RGS7BP: variants seen among roughly 807,000 people sequenced by gnomAD.
RGS7BP encodes regulator of G protein signaling 7 binding protein, also known as regulator of G protein signaling 7-binding protein.
A neutral mutation model predicts 31.3 loss-of-function variants in RGS7BP; 9 were observed. The ratio of observed to expected loss-of-function variants is 0.29; its 90% CI spans 0.17 to 0.50. RGS7BP has a LOEUF of 0.50. RGS7BP is among the 20% of genes least tolerant of loss of function. RGS7BP has a pLI of 0.98. For missense variants in RGS7BP, 274 were observed against 322.0 expected, an observed-to-expected ratio of 0.85 and a Z score of 1.14; for synonymous variants, 115 against 120.1, an observed-to-expected ratio of 0.96 and a Z score of 0.28.
At chr5:64,548,845 C>A (rs1210188327) in intron 2 of RGS7BP, among the ~76,000 whole-genome samples, 2 of 148,400 alleles carry the variant, frequency 1.3e-5, no homozygotes, top group African/African-American at 5.2e-5. Context: ...AGTCGAAAGC[C>A]CTTTCCTTTT....
chr5:64,507,898 T>C, intron 2 of RGS7BP, 21 bp downstream of exon 2: 1 of 1,604,220 alleles, frequency 6.2e-7, no homozygotes, highest in South Asian at 1.1e-5. Flanking sequence ...CGGCATTATT[T>C]GGTAATCCAT....
chr5:64,609,405 G>C lies in RGS7BP; in HGVS notation c.*153G>C. 1 of 570,452 alleles carries C rather than the reference G, an allele frequency of 1.8e-6. No homozygotes were observed. The highest frequency in any genetic ancestry group is 3.2e-6 in the Non-Finnish European group (1 of 316,546). The allele number at this position is 570,452 out of a possible 1,614,324, so 35.3% of individuals were successfully genotyped here. On this transcript the variant is annotated 3_prime_UTR_variant, in exon 6 of 6. Transcript: ENST00000334025. ...TCTGCCTCCCCCTGCCCTTTTAAAT[G>C]ATTTTACACTTGAAAGCAGCTGCCG...
intron 3 of RGS7BP, among the ~76,000 whole-genome samples, chr5:64,593,463 G>A (rs1742974005): frequency 6.6e-6 from 1 of 152,162 alleles, no homozygotes; most frequent in African/African-American, 2.4e-5. Flanking sequence ...AAAAGGTTAG[G>A]TGATATAGCC....
chr5:64,597,817 C>T (rs1402015005), intron 4 of RGS7BP, among the ~76,000 whole-genome samples: 1 of 151,856 alleles, frequency 6.6e-6, no homozygotes, highest in Non-Finnish European at 1.5e-5. Context: ...GTGATGGATG[C>T]CCTAAAAGCA....
chr5:64,551,316 G>T (rs1396240505), intron 2 of RGS7BP, among the ~76,000 whole-genome samples: 1 of 148,048 alleles, frequency 6.8e-6, no homozygotes, highest in Non-Finnish European at 1.5e-5. Context: ...AGCCTGGAGT[G>T]CAGTGGCGCA....
chr5:64,594,716 A>C lies in RGS7BP; in HGVS notation c.470A>C (p.Glu157Ala). Reference protein sequence around the residue: ...GSLQFHRKGKEPGGGTKSLDC... With the variant: ...GSLQFHRKGKAPGGGTKSLDC... ...AACACCCTCCCTCCCTTAGGAAAGG[A>C]ACCTGGCGGGGGAACCAAGAGTTTG... Residue 157 changes from glutamate (E) to alanine (A), a missense_variant, in exon 4 of 6, where the codon GAA (glutamate) becomes GCA (alanine). Transcript: ENST00000334025. The C allele has an allele frequency of 1.2e-6, 2 of 1,613,670 alleles. No individual in the cohort carries two copies. Among genetic ancestry groups the C allele is most frequent in the Non-Finnish European group, 1.7e-6 (2 of 1,179,736 alleles).
intron 2 of RGS7BP, 66 bp from the exon 3 acceptor site, chr5:64,575,708 G>A: frequency 6.5e-7 from 1 of 1,537,342 alleles, no homozygotes; most frequent in Non-Finnish European, 8.7e-7. Context: ...TCTCGGAGCT[G>A]AGACAAATGG....
intron 3 of RGS7BP, among the ~76,000 whole-genome samples, chr5:64,583,113 C>A (rs188299536): frequency 6.0e-4 from 91 of 152,226 alleles, no homozygotes; most frequent in African/African-American, 2.2e-3. Context: ...GTAGGCCAGG[C>A]GCAGTGGCTC....
At chr5:64,551,698 C>T (rs57507097) in intron 2 of RGS7BP, among the ~76,000 whole-genome samples, 3,366 of 152,162 alleles carry the variant, frequency 0.022, 136 homozygotes, top group African/African-American at 0.074. Context: ...GTCTGGAAAA[C>T]ACAGCATGTT....
intron 2 of RGS7BP, among the ~76,000 whole-genome samples, chr5:64,517,205 GAAGGTC>G (rs1489580617): frequency 1.3e-5 from 2 of 152,018 alleles, no homozygotes; most frequent in Non-Finnish European, 2.9e-5. Context: ...AAGAAAAGAG[GAAGGTC>G]AAAAGGCCAC....
At chr5:64,552,354 C>T (rs1344903361) in intron 2 of RGS7BP, among the ~76,000 whole-genome samples, 1 of 152,148 alleles carries the variant, frequency 6.6e-6, no homozygotes, top group East Asian at 1.9e-4. Flanking sequence ...TTCTAAATAG[C>T]TTTCCAAAAC....
intron 5 of RGS7BP, among the ~76,000 whole-genome samples, chr5:64,603,894 G>A (rs1561351728): frequency 6.6e-6 from 1 of 152,086 alleles, no homozygotes; most frequent in Non-Finnish European, 1.5e-5. Flanking sequence ...CAATGGGAAC[G>A]TGAAGGAATG....
chr5:64,550,434 A>G (rs1580421607), intron 2 of RGS7BP, among the ~76,000 whole-genome samples: 2 of 152,196 alleles, frequency 1.3e-5, no homozygotes, highest in Admixed American at 1.3e-4. Context: ...CCCCACCCTT[A>G]TGACCTCATC....
At chr5:64,540,108 A>G (rs565108465) in intron 2 of RGS7BP, among the ~76,000 whole-genome samples, 56 of 152,288 alleles carry the variant, frequency 3.7e-4, no homozygotes, top group African/African-American at 1.3e-3. Context: ...ATCATTGATT[A>G]TATTTTGATA....
intron 2 of RGS7BP, among the ~76,000 whole-genome samples, chr5:64,527,940 A>T (rs1359551159): frequency 1.3e-5 from 2 of 152,172 alleles, no homozygotes; most frequent in Non-Finnish European, 2.9e-5. Context: ...GAGAGAAAAA[A>T]TCTATCCACA....
intron 5 of RGS7BP, among the ~76,000 whole-genome samples, chr5:64,598,968 T>C (rs1413653103): frequency 4.6e-5 from 7 of 152,150 alleles, no homozygotes; most frequent in Admixed American, 3.9e-4. Context: ...AGACTGTAAG[T>C]AGAAAAACTG....
Position 64,611,167 on chromosome 5 carries a change from T to C in RGS7BP, c.*1915T>C, listed in dbSNP as rs116597401. The stretch of plus-strand genomic sequence containing the variant: ...TCTGCAAACCTTGATTTCAGCTTAA[T>C]ATCCTTTCCTGAATCTAATTCATTT... On this transcript the variant is annotated 3_prime_UTR_variant, in exon 6 of 6. Coordinates refer to ENST00000334025, the MANE Select transcript of RGS7BP (RefSeq NM_001029875.3). 2.4e-3 allele frequency: 362 copies of C among 152,064 alleles called. 3 individuals carry two copies. Among genetic ancestry groups the C allele is most frequent in the African/African-American group, 8.5e-3 (351 of 41,520 alleles). The allele number at this position is 152,064 out of a possible 1,614,324, so 9.4% of individuals were successfully genotyped here.
At chr5:64,591,190 A>C (rs1441275168) in intron 3 of RGS7BP, among the ~76,000 whole-genome samples, 1 of 152,138 alleles carries the variant, frequency 6.6e-6, no homozygotes, top group African/African-American at 2.4e-5. Context: ...CCTACAAATC[A>C]ATAAGAAACC....
Position 64,555,475 on chromosome 5 carries a change from T to G in RGS7BP, c.333-20299T>G, listed in dbSNP as rs140382856. 1.1e-3 allele frequency among the ~76,000 whole-genome samples: 162 copies of G among 152,236 alleles called. 2 individuals carry two copies. In the East Asian group the frequency reaches 0.027, roughly 25 times the overall value. On this transcript the variant is annotated intron_variant, in intron 2 of 5. Coordinates refer to ENST00000334025, the MANE Select transcript of RGS7BP (RefSeq NM_001029875.3). ...TCAAACAAGAAACTTTAAGTAAAAA[T>G]GCAAAAATGTTTTAATGCTTACTGA... is the stretch of plus-strand genomic sequence containing the variant.
Sources: allele counts gnomAD v4.1 joint callset (sites outside exome capture counted in the v4.1 genomes callset), GRCh38; gene constraint gnomAD v4.1.1; transcripts MANE v1.5; gene names NCBI Gene and HGNC (gene_info 2026-07-23, HGNC 2026-07-21).